The following ESRRB variants were observed in gnomAD, a reference collection of about 807,000 sequenced individuals.
The protein encoded by ESRRB is steroid hormone receptor ERR2.
ESRRB carries 16 observed loss-of-function variants against 46.0 expected under a neutral mutation model. That is an observed-to-expected ratio of 0.35 (90% CI 0.24 to 0.53). The LOEUF (loss-of-function observed/expected upper bound fraction) is 0.53. Ranked by LOEUF, ESRRB falls within the 20% of genes least tolerant of loss-of-function variation. The pLI, the probability that ESRRB is intolerant of heterozygous loss-of-function variation, is 0.93. For missense variants in ESRRB, 488 were observed against 607.4 expected, an observed-to-expected ratio of 0.80 and a Z score of 2.07; for synonymous variants, 246 against 259.6, an observed-to-expected ratio of 0.95 and a Z score of 0.50.
At chr14:76,344,878 AT>A (rs1884231976) in intron 1 of ESRRB, among the ~76,000 whole-genome samples, 1 of 152,004 alleles carries the variant, frequency 6.6e-6, no homozygotes. Flanking sequence ...ATAGTGTCCA[AT>A]CTCATCCAGG....
chr14:76,421,795 C>T lies in ESRRB; in HGVS notation c.51-17546C>T, dbSNP rs536448881. On this transcript the variant is annotated intron_variant, in intron 1 of 6. Coordinates refer to ENST00000644823, the MANE Select transcript of ESRRB (RefSeq NM_001379180.1). The stretch of plus-strand genomic sequence containing the variant: ...GTCCCCCTGTCACTCTCCTCCCTCC[C>T]CTCCCTGAGAACTGCTGTCTTCCAC... Among the ~76,000 whole-genome samples, 13 of 152,324 alleles carry T rather than the reference C, an allele frequency of 8.5e-5. 1 individual carries two copies. The East Asian group carries it at 2.5e-3, about 29-fold the overall frequency.
intron 1 of ESRRB, among the ~76,000 whole-genome samples, chr14:76,312,084 A>G (rs1417586127): frequency 1.3e-5 from 2 of 150,282 alleles, no homozygotes; most frequent in East Asian, 3.9e-4. Context: ...AATGGATACC[A>G]TATGCTATAT....
rs560952538 is a variant in ESRRB, at chr14:76,500,040, C to T, written c.*1582C>T. ...CAATGAGAGAGGCAGGCAGATCTCA[C>T]CCAGCACTAGGACACCAGGAGGCCA... On this transcript the variant is annotated 3_prime_UTR_variant, in exon 7 of 7. Coordinates refer to ENST00000644823, the MANE Select transcript of ESRRB (RefSeq NM_001379180.1). 1.3e-6 allele frequency: 2 copies of T among 1,554,514 alleles called. No individual in the cohort carries two copies. Among genetic ancestry groups the T allele is most frequent in the East Asian group, 2.4e-5 (1 of 41,128 alleles).
At chr14:76,339,364 A>G (rs867355712) in intron 1 of ESRRB, among the ~76,000 whole-genome samples, 2 of 152,298 alleles carry the variant, frequency 1.3e-5, no homozygotes, top group Middle Eastern at 3.4e-3. Context: ...GTGAGGATGA[A>G]ATAAGATAAT....
At chr14:76,469,929 G>GTTTTTTTTTTTTTTTGTTTTTTTTTT in intron 3 of ESRRB, among the ~76,000 whole-genome samples, 1 of 78,750 alleles carries the variant, frequency 1.3e-5, no homozygotes, top group African/African-American at 4.0e-5. Flanking sequence ...GTTTTTTGTT[G>GTTTTTTTTTTTTTTTGTTTTTTTTTT]TTTTTTTTTT....
At chr14:76,391,179 T>G (rs925247181) in intron 1 of ESRRB, among the ~76,000 whole-genome samples, 9 of 152,016 alleles carry the variant, frequency 5.9e-5, no homozygotes, top group African/African-American at 2.2e-4. Flanking sequence ...AAGGTAAGAT[T>G]TGGTCTGCAG....
rs201356393 is a variant in ESRRB, at chr14:76,351,986, T to TAAAAAAAAAAAAA, written c.2+41081_2+41093dup. Among the ~76,000 whole-genome samples the TAAAAAAAAAAAAA allele has an allele frequency of 2.2e-4, 20 of 91,772 alleles. No homozygotes were observed. The East Asian group carries it at 5.3e-3, about 25-fold the overall frequency. The allele number at this position is 91,772 out of a possible 152,430, so 60.2% of individuals were successfully genotyped here. A position where few individuals can be genotyped will look rare whatever the true frequency, so the allele number is the denominator to read the frequency against. Reference sequence around the variant, plus strand: ...GGAGACAGAGTGAGACCCAGTCTCTTAAAAAAAAAAAAAAAAAAAAAAAGC... The same window carrying TAAAAAAAAAAAAA: ...GGAGACAGAGTGAGACCCAGTCTCTTAAAAAAAAAAAAAAAAAAAAAAAAAAAAAAAAAAAAGC... On this transcript the variant is annotated intron_variant, in intron 1 of 6. Transcript: ENST00000512784.
chr14:76,448,509 T>TG (rs1477507818), intron 2 of ESRRB, among the ~76,000 whole-genome samples: 1 of 150,842 alleles, frequency 6.6e-6, no homozygotes, highest in East Asian at 1.9e-4. Flanking sequence ...TGTATTTTTT[T>TG]TTTTTTAGTA....
At chr14:76,332,468 CTA>C (rs1176493061) in intron 1 of ESRRB, among the ~76,000 whole-genome samples, 1 of 102,854 alleles carries the variant, frequency 9.7e-6, no homozygotes, top group Non-Finnish European at 1.9e-5. Context: ...TATATATATT[CTA>C]TATATATATA....
In ESRRB at chr14:76,499,792, A is replaced by G. The variant is rs1330171352; in HGVS notation, c.*1334A>G. 5.8e-5 allele frequency: 76 copies of G among 1,316,864 alleles called. No homozygotes were observed. Among genetic ancestry groups the G allele is most frequent in the Non-Finnish European group, 7.9e-5 (72 of 909,210 alleles). The allele number at this position is 1,316,864 out of a possible 1,614,324, so 81.6% of individuals were successfully genotyped here. ...GCACACGGGGACAGTGGGTCACTCT[A>G]TTTCTGTGGATGGCCGTGAAAGTTT... On this transcript the variant is annotated 3_prime_UTR_variant, in exon 7 of 7. Transcript: ENST00000644823.
chr14:76,389,870 C>T (rs1035558379), intron 1 of ESRRB, among the ~76,000 whole-genome samples: 1 of 152,206 alleles, frequency 6.6e-6, no homozygotes, highest in African/African-American at 2.4e-5. Context: ...TTTCACTTTA[C>T]GTTCTTGCCA....
rs7493792 is a variant in ESRRB, at chr14:76,452,653, C to A, written c.461-9892C>A. ...AAAACAAAACAAAAACAAAACAAAACAAAAAAAAAGGTGGATTCATTATTA... is the reference window on the plus strand; with the variant it reads ...AAAACAAAACAAAAACAAAACAAAAAAAAAAAAAAGGTGGATTCATTATTA... On this transcript the variant is annotated intron_variant, in intron 2 of 6. Coordinates refer to ENST00000644823, the MANE Select transcript of ESRRB (RefSeq NM_001379180.1). 9.5e-3 allele frequency among the ~76,000 whole-genome samples: 1,148 copies of A among 120,784 alleles called. 9 individuals are homozygous for A. The highest frequency in any genetic ancestry group is 0.018 in the African/African-American group (424 of 23,428). 79.2% of individuals were successfully genotyped at this position (120,784 alleles called of 152,430 possible). A position where few individuals can be genotyped will look rare whatever the true frequency, so the allele number is the denominator to read the frequency against.
At chr14:76,489,947 C>T (rs1415049614) in intron 5 of ESRRB, among the ~76,000 whole-genome samples, 2 of 152,208 alleles carry the variant, frequency 1.3e-5, no homozygotes, top group Non-Finnish European at 2.9e-5. Context: ...ATGACCAGCA[C>T]CCTAGCATGT....
chr14:76,323,961 G>A (rs1338606018), intron 1 of ESRRB, among the ~76,000 whole-genome samples: 1 of 150,696 alleles, frequency 6.6e-6, no homozygotes, highest in African/African-American at 2.5e-5. Flanking sequence ...GGTGATGTTT[G>A]GCATTGCCTT....
At chr14:76,326,062 C>T (rs916524915) in intron 1 of ESRRB, among the ~76,000 whole-genome samples, 9 of 152,230 alleles carry the variant, frequency 5.9e-5, no homozygotes, top group African/African-American at 2.2e-4. Flanking sequence ...ACATGCCCGG[C>T]ATCCACCACT....
upstream of ESRRB, among the ~76,000 whole-genome samples, chr14:76,367,141 T>A (rs988817989): frequency 2.0e-5 from 3 of 151,290 alleles, no homozygotes; most frequent in South Asian, 4.2e-4. Context: ...AAAAGGGAAG[T>A]AAGGGGAGGG....
At chr14:76,415,769 A>C (rs1886671106) in intron 1 of ESRRB, among the ~76,000 whole-genome samples, 2 of 152,190 alleles carry the variant, frequency 1.3e-5, no homozygotes, top group African/African-American at 4.8e-5. Flanking sequence ...AGCCTCCCAA[A>C]GTGCCGGGAT....
intron 2 of ESRRB, among the ~76,000 whole-genome samples, chr14:76,448,003 T>G (rs897904585): frequency 9.2e-5 from 14 of 152,224 alleles, no homozygotes; most frequent in Non-Finnish European, 2.1e-4. Context: ...CACTCTCTTT[T>G]GCATGCTGTG....
chr14:76,423,926 G>A (rs930180380), intron 1 of ESRRB, among the ~76,000 whole-genome samples: 1 of 152,018 alleles, frequency 6.6e-6, no homozygotes, highest in African/African-American at 2.4e-5. Context: ...GACAGAGGTT[G>A]GGGGGCAGAT....
Sources: allele counts gnomAD v4.1 joint callset (sites outside exome capture counted in the v4.1 genomes callset), GRCh38; gene constraint gnomAD v4.1.1; transcripts MANE v1.5; gene names NCBI Gene and HGNC (gene_info 2026-07-23, HGNC 2026-07-21).